The following RTTN variants were observed in gnomAD, a reference collection of about 807,000 sequenced individuals.
The protein encoded by RTTN is rotatin.
In RTTN, 182 loss-of-function variants were observed where a neutral mutation model predicts 269.2. The observed-to-expected ratio is 0.68, with a 90% CI of 0.60 to 0.76. The LOEUF is 0.76. Among genes scored for constraint, RTTN ranks in the 30% least tolerant of loss-of-function variants. The pLI is 0.00. For missense variants in RTTN, 2,545 were observed against 2,608.6 expected, an observed-to-expected ratio of 0.98 and a Z score of 0.53; for synonymous variants, 1,006 against 963.5, an observed-to-expected ratio of 1.04 and a Z score of -0.82.
At chr18:70,094,676 A>T (rs1249683796) in intron 28 of RTTN, among the ~76,000 whole-genome samples, 1 of 151,760 alleles carries the variant, frequency 6.6e-6, no homozygotes, top group East Asian at 1.9e-4. Context: ...CATTCTTTTG[A>T]GTTTGCTGAG....
At chr18:70,197,431 T>A (rs577560200) in intron 6 of RTTN, among the ~76,000 whole-genome samples, 193 bp downstream of exon 6, 10 of 152,322 alleles carry the variant, frequency 6.6e-5, no homozygotes, top group African/African-American at 1.9e-4. Context: ...AAGTGTCAAA[T>A]GAAACTACTA....
At chr18:70,075,643 G>A in intron 32 of RTTN, 102 bp from the exon 33 acceptor site, 2 of 850,246 alleles carry the variant, frequency 2.4e-6, no homozygotes, top group Non-Finnish European at 3.5e-6. Flanking sequence ...GGTCCCAGAT[G>A]CTCCCATCTC....
At chr18:70,201,377 C>A (rs1365459611) in intron 4 of RTTN, among the ~76,000 whole-genome samples, 1 of 151,304 alleles carries the variant, frequency 6.6e-6, no homozygotes, top group Non-Finnish European at 1.5e-5. Flanking sequence ...CCGAGGCGGG[C>A]GGATCACGAG....
intron 11 of RTTN, among the ~76,000 whole-genome samples, chr18:70,173,385 C>G (rs950395841): frequency 6.7e-6 from 1 of 148,234 alleles, no homozygotes; most frequent in African/African-American, 2.5e-5. Context: ...CCCAGCTACT[C>G]GGGAGGCTGA....
intron 40 of RTTN, among the ~76,000 whole-genome samples, chr18:70,038,439 A>G (rs1599218499): frequency 6.6e-6 from 1 of 152,214 alleles, no homozygotes; most frequent in Admixed American, 6.5e-5. Context: ...TTTGGGAGAA[A>G]GTAAGGTAAA....
At chr18:70,153,312 C>T (rs1016374327) in intron 14 of RTTN, among the ~76,000 whole-genome samples, 1 of 152,086 alleles carries the variant, frequency 6.6e-6, no homozygotes. Context: ...CACACACATA[C>T]ACATACATAC....
intron 35 of RTTN, 80 bp downstream of exon 35, chr18:70,065,749 A>T: frequency 1.2e-6 from 1 of 861,772 alleles, no homozygotes; most frequent in Non-Finnish European, 1.8e-6. Flanking sequence ...TGTTCTTTAG[A>T]CATTTACTTT....
intron 32 of RTTN, among the ~76,000 whole-genome samples, chr18:70,084,321 C>T (rs894591466): frequency 5.3e-5 from 8 of 152,020 alleles, no homozygotes; most frequent in African/African-American, 1.9e-4. Context: ...CTCCACAACA[C>T]TATGAAAGGG....
intron 8 of RTTN, among the ~76,000 whole-genome samples, chr18:70,192,782 C>A (rs1432792084): frequency 1.3e-5 from 2 of 151,484 alleles, no homozygotes; most frequent in African/African-American, 4.9e-5. Flanking sequence ...TTCCTTTTAA[C>A]AGTAAACACT....
intron 13 of RTTN, 167 bp from the exon 14 acceptor site, chr18:70,166,355 A>C: frequency 1.8e-6 from 1 of 542,020 alleles, no homozygotes; most frequent in East Asian, 3.2e-5. Context: ...TATTTGTTTC[A>C]GGGCAGAGGA....
chr18:70,193,702 C>T (rs1600047294), intron 7 of RTTN, among the ~76,000 whole-genome samples: 1 of 152,158 alleles, frequency 6.6e-6, no homozygotes, highest in East Asian at 1.9e-4. Context: ...ACATTAGAGA[C>T]TACCAAAGCA....
chr18:70,040,372 CAAAG>C (rs1225517065), intron 40 of RTTN, among the ~76,000 whole-genome samples: 1 of 151,850 alleles, frequency 6.6e-6, no homozygotes, highest in African/African-American at 2.4e-5. Context: ...TAAGGACAGA[CAAAG>C]AAGATCATTA....
At chr18:70,064,398 G>A (rs916833781) in intron 35 of RTTN, among the ~76,000 whole-genome samples, 1 of 146,422 alleles carries the variant, frequency 6.8e-6, no homozygotes, top group Non-Finnish European at 1.5e-5. Flanking sequence ...TAAAATCAAA[G>A]GTAATCCAAA....
chr18:70,020,939 A>G, intron 44 of RTTN, 122 bp from the exon 45 acceptor site: 2 of 725,500 alleles, frequency 2.8e-6, no homozygotes, highest in Non-Finnish European at 4.5e-6. Context: ...TGAACTGCAA[A>G]TTAGCAATGG....
Position 70,161,186 on chromosome 18 carries a change from T to C in RTTN, c.1929+4876A>G, listed in dbSNP as rs114801103. On this transcript the variant is annotated intron_variant, in intron 14 of 48. Coordinates refer to ENST00000640769, the MANE Select transcript of RTTN (RefSeq NM_173630.4). ...TAGAACAGGTTAGAGAACACAAAAA[T>C]ATAGCCAGACACCTACAACCATCTG... Among the ~76,000 whole-genome samples, 423 of 152,100 alleles carry C rather than the reference T, an allele frequency of 2.8e-3. 1 individual carries two copies. Among genetic ancestry groups the C allele is most frequent in the African/African-American group, 9.6e-3 (400 of 41,492 alleles).
At chr18:70,119,388 C>T (rs930557037) in intron 26 of RTTN, among the ~76,000 whole-genome samples, 5 of 151,380 alleles carry the variant, frequency 3.3e-5, no homozygotes, top group African/African-American at 1.2e-4. Context: ...ACACTAATGT[C>T]CAAGTTGCAG....
At chr18:70,050,772 G>A (rs1028991496) in intron 39 of RTTN, among the ~76,000 whole-genome samples, 2 of 152,158 alleles carry the variant, frequency 1.3e-5, no homozygotes, top group East Asian at 3.9e-4. Context: ...TGTCCTTTCA[G>A]GTACACGGAT....
rs775640146 is a variant in RTTN at position 70,204,219 on chromosome 18, C to T, written c.264G>A (p.Glu88=). Residue 88 remains glutamate (E), a synonymous_variant, in exon 3 of 49, where the codon GAG becomes GAA. Coordinates refer to ENST00000640769, the MANE Select transcript of RTTN (RefSeq NM_173630.4). Reference sequence around the variant, plus strand: ...CATTAGACCGAAGCTTAGATAAGAACTCTACTGCACCAACGTCAACCAAAT... The same window carrying T: ...CATTAGACCGAAGCTTAGATAAGAATTCTACTGCACCAACGTCAACCAAAT... ...VQHLVDVGAV[E]FLSKLRSNVE... The T allele has an allele frequency of 1.9e-6, 3 of 1,613,646 alleles. No individual in the cohort carries two copies. The highest frequency in any genetic ancestry group is 2.5e-6 in the Non-Finnish European group (3 of 1,179,934).
intron 23 of RTTN, chr18:70,131,662 C>T (rs2060001316): frequency 6.6e-6 from 1 of 151,396 alleles, no homozygotes; most frequent in African/African-American, 2.4e-5. Context: ...GGCAACAAAG[C>T]AAGATCCCAA....
Sources: allele counts gnomAD v4.1 joint callset (sites outside exome capture counted in the v4.1 genomes callset), GRCh38; gene constraint gnomAD v4.1.1; transcripts MANE v1.5; gene names NCBI Gene and HGNC (gene_info 2026-07-23, HGNC 2026-07-21).